ADAMTS17: variants seen among roughly 807,000 people sequenced by gnomAD.
ADAMTS17 encodes ADAM metallopeptidase with thrombospondin type 1 motif 17.
A neutral mutation model predicts 141.5 loss-of-function variants in ADAMTS17; 113 were observed. That is an observed-to-expected ratio of 0.80 (90% CI 0.69 to 0.93). ADAMTS17 has a LOEUF of 0.93. ADAMTS17 is among the 40% of genes least tolerant of loss of function. The pLI is 0.00. For synonymous variants in ADAMTS17, 768 were observed against 630.6 expected (o/e 1.22, Z -3.27); for missense variants, 1,659 against 1,517.9 (o/e 1.09, Z -1.54).
At chr15:100,022,211 C>T (rs1596248571) in intron 18 of ADAMTS17, among the ~76,000 whole-genome samples, 1 of 152,176 alleles carries the variant, frequency 6.6e-6, no homozygotes, top group Non-Finnish European at 1.5e-5. Flanking sequence ...GTGTCCCCTT[C>T]TGGATGGATG....
intron 4 of ADAMTS17, among the ~76,000 whole-genome samples, chr15:100,271,513 C>G (rs1412417941): frequency 1.3e-5 from 2 of 151,788 alleles, no homozygotes; most frequent in Admixed American, 1.3e-4. Flanking sequence ...TTTCCATGTA[C>G]TTATTGGCTA....
At chr15:100,050,865 ACTAAGAAACTG>A (rs1255112507) in intron 17 of ADAMTS17, among the ~76,000 whole-genome samples, 1 of 152,176 alleles carries the variant, frequency 6.6e-6, no homozygotes, top group African/African-American at 2.4e-5. Context: ...ACAGCACTGT[ACTAAGAAACTG>A]CTGGCTCAGA....
At chr15:100,194,417 A>G (rs1275816741) in intron 8 of ADAMTS17, among the ~76,000 whole-genome samples, 1 of 152,228 alleles carries the variant, frequency 6.6e-6, no homozygotes, top group Non-Finnish European at 1.5e-5. Flanking sequence ...AGAGCTATGC[A>G]CTTTCTTTTA....
At chr15:100,227,873 T>G (rs1214148813) in intron 7 of ADAMTS17, among the ~76,000 whole-genome samples, 1 of 152,210 alleles carries the variant, frequency 6.6e-6, no homozygotes, top group Non-Finnish European at 1.5e-5. Context: ...GCATGGCTGC[T>G]AAGTCCACAA....
chr15:100,028,713 G>A (rs780419737), intron 18 of ADAMTS17, among the ~76,000 whole-genome samples: 19 of 152,214 alleles, frequency 1.2e-4, no homozygotes, highest in Non-Finnish European at 2.5e-4. Context: ...GGGCTGAGAT[G>A]GGAACCTGGC....
chr15:100,288,576 T>C (rs574192647), intron 3 of ADAMTS17, among the ~76,000 whole-genome samples: 14 of 152,324 alleles, frequency 9.2e-5, no homozygotes, highest in Admixed American at 7.2e-4. Flanking sequence ...TCTTCTCATC[T>C]GCACATGCCA....
intron 14 of ADAMTS17, among the ~76,000 whole-genome samples, chr15:100,097,523 T>C (rs546533867): frequency 6.6e-6 from 1 of 152,338 alleles, no homozygotes; most frequent in African/African-American, 2.4e-5. Flanking sequence ...GCACAGCGCC[T>C]CGGGTGCCAG....
At chr15:100,120,467 C>T (rs1447119684) in intron 12 of ADAMTS17, among the ~76,000 whole-genome samples, 1 of 152,166 alleles carries the variant, frequency 6.6e-6, no homozygotes, top group Admixed American at 6.5e-5. Context: ...TGTTAAGGTG[C>T]AGATGCAGAA....
At chr15:100,036,989 T>C (rs2727187) in intron 18 of ADAMTS17, among the ~76,000 whole-genome samples, 6,993 of 152,304 alleles carry the variant, frequency 0.046, 323 homozygotes, top group African/African-American at 0.12. Context: ...GCCATGTTTC[T>C]ACCTGTTAGC....
chr15:100,235,530 G>A (rs962052377), intron 7 of ADAMTS17, among the ~76,000 whole-genome samples: 1 of 152,018 alleles, frequency 6.6e-6, no homozygotes. Context: ...AGAATCTCCG[G>A]AAGGCTTGCC....
At chr15:100,210,006 G>A (rs543532026) in intron 7 of ADAMTS17, among the ~76,000 whole-genome samples, 2 of 152,048 alleles carry the variant, frequency 1.3e-5, no homozygotes, top group East Asian at 1.9e-4. Flanking sequence ...GGTGGTCCGC[G>A]GGCAGATCAT....
intron 7 of ADAMTS17, among the ~76,000 whole-genome samples, chr15:100,211,135 T>TAAAA (rs1167517977): frequency 3.5e-5 from 5 of 141,312 alleles, no homozygotes; most frequent in African/African-American, 1.5e-4. Context: ...AATAAATAAA[T>TAAAA]AAATAAAAAT....
At chr15:100,232,548 G>A (rs1446836290) in intron 7 of ADAMTS17, among the ~76,000 whole-genome samples, 2 of 152,226 alleles carry the variant, frequency 1.3e-5, no homozygotes, top group African/African-American at 2.4e-5. Flanking sequence ...GGACGTAGAT[G>A]CCCAATCGGC....
At position 100,217,129 on chromosome 15, in the gene ADAMTS17, A is replaced by AC. The variant is rs368485427; in HGVS notation, c.1076-17707dup. 4.6e-3 allele frequency among the ~76,000 whole-genome samples: 704 copies of AC among 152,262 alleles called. 5 individuals are homozygous for AC. The highest frequency in any genetic ancestry group is 0.016 in the African/African-American group (664 of 41,542). Reference sequence around the variant, plus strand: ...TTCTGATAGGAAAAATAAACAGGAGACTTCATGTTCCACAATATAAAATAC... The same window carrying AC: ...TTCTGATAGGAAAAATAAACAGGAGACCTTCATGTTCCACAATATAAAATAC... On this transcript the variant is annotated intron_variant, in intron 7 of 21. Coordinates refer to ENST00000268070, the MANE Select transcript of ADAMTS17 (RefSeq NM_139057.4).
rs1422781523 is a variant in ADAMTS17, at chr15:100,341,330, C to A, written c.159G>T (p.Leu53=). The A allele has an allele frequency of 8.8e-6, 9 of 1,024,588 alleles. No homozygotes were observed. The highest frequency in any genetic ancestry group is 1.0e-5 in the Non-Finnish European group (9 of 857,782). The allele number at this position is 1,024,588 out of a possible 1,614,324, so 63.5% of individuals were successfully genotyped here. Residue 53 remains leucine (L), a synonymous_variant, in exon 2 of 22, where the codon CTG becomes CTT. Coordinates refer to ENST00000268070, the MANE Select transcript of ADAMTS17 (RefSeq NM_139057.4). ...VRPDDVHLPP[L]PAAPGPRRRR... ...GCCGTCGGGGCCCGGGGGCTGCGGG[C>A]AGCGGCGGCAGGTGCACGTCGTCGG...
chr15:100,248,087 G>T (rs2043041601), intron 7 of ADAMTS17, among the ~76,000 whole-genome samples: 1 of 152,092 alleles, frequency 6.6e-6, no homozygotes, highest in Non-Finnish European at 1.5e-5. Context: ...CCAGCGCACA[G>T]ACCAGACTCC....
chr15:100,126,398 T>A (rs2037737302), intron 12 of ADAMTS17: 1 of 152,176 alleles, frequency 6.6e-6, no homozygotes, highest in South Asian at 2.1e-4. Context: ...GTGTAAATAT[T>A]ATAGGAGCAA....
At chr15:100,175,028 G>C (rs1293694104) in intron 8 of ADAMTS17, among the ~76,000 whole-genome samples, 1 of 152,066 alleles carries the variant, frequency 6.6e-6, no homozygotes. Context: ...AAAAGAAGAA[G>C]CACCCACCTT....
At chr15:100,255,118 G>A (rs1180590948) in intron 6 of ADAMTS17, among the ~76,000 whole-genome samples, 1 of 152,198 alleles carries the variant, frequency 6.6e-6, no homozygotes, top group Non-Finnish European at 1.5e-5. Flanking sequence ...GTCCAGCCCT[G>A]GTTCTGCAAG....
Sources: allele counts gnomAD v4.1 joint callset (sites outside exome capture counted in the v4.1 genomes callset), GRCh38; gene constraint gnomAD v4.1.1; transcripts MANE v1.5; gene names NCBI Gene and HGNC (gene_info 2026-07-23, HGNC 2026-07-21).